The following COTL1 variants were observed in gnomAD, a reference collection of about 807,000 sequenced individuals.
COTL1 encodes coactosin-like protein.
In COTL1, 15 loss-of-function variants were observed where a neutral mutation model predicts 16.5. The observed-to-expected ratio is 0.91, with a 90% CI of 0.61 to 1.40. The LOEUF (loss-of-function observed/expected upper bound fraction) is 1.40, where lower values mean the gene tolerates loss of function less well. Among genes scored for constraint, COTL1 ranks in the 40% most tolerant of loss-of-function variants. COTL1 has a pLI of 0.00. For missense variants in COTL1, 220 were observed against 201.5 expected, an observed-to-expected ratio of 1.09 and a Z score of -0.56; for synonymous variants, 112 against 85.3, an observed-to-expected ratio of 1.31 and a Z score of -1.73.
chr16:84,608,877 A>C (rs67155672), intron 2 of COTL1, among the ~76,000 whole-genome samples: 46,718 of 152,096 alleles, frequency 0.31, 7,388 homozygotes, highest in East Asian at 0.45. Flanking sequence ...TGCACTCCAG[A>C]CTGGGTGACA....
chr16:84,567,119 T>G (rs1904302345), intron 3 of COTL1, 164 bp from the exon 4 acceptor site: 3 of 597,076 alleles, frequency 5.0e-6, no homozygotes, highest in Non-Finnish European at 9.1e-6. Context: ...AGCAGCAGAG[T>G]CAATGGAAAT....
At chr16:84,600,592 C>T (rs560191731) in intron 2 of COTL1, among the ~76,000 whole-genome samples, 53 of 152,282 alleles carry the variant, frequency 3.5e-4, no homozygotes, top group African/African-American at 1.3e-3. Context: ...GGATTACAGG[C>T]GCGAGCCACT....
rs985842861 is a variant in COTL1 at position 84,598,099 on chromosome 16, C to T, written c.161-7837G>A. Among the ~76,000 whole-genome samples, 8 of 152,154 alleles carry T rather than the reference C, an allele frequency of 5.3e-5. No individual in the cohort carries two copies. The East Asian group carries it at 5.8e-4, about 11-fold the overall frequency. ...CTGAGGACGGTGGTTTCCTTCTGGT[C>T]GGTGTCATGCACTCAGAGCCCAGGC... On this transcript the variant is annotated intron_variant, in intron 2 of 3. Transcript: ENST00000262428.
At position 84,617,951 on chromosome 16, in the gene COTL1, C is replaced by T. The variant is rs1597190631; in HGVS notation, c.-37G>A. The T allele has an allele frequency of 4.7e-6, 7 of 1,488,584 alleles. No individual in the cohort carries two copies. Among genetic ancestry groups the T allele is most frequent in the Non-Finnish European group, 6.3e-6 (7 of 1,113,998 alleles). 92.2% of individuals were successfully genotyped at this position (1,488,584 alleles called of 1,614,324 possible). A position where few individuals can be genotyped will look rare whatever the true frequency, so the allele number is the denominator to read the frequency against. On this transcript the variant is annotated 5_prime_UTR_variant, in exon 1 of 4. Transcript: ENST00000262428. ...CGCAGCGGGACACTGTCCGGGGCGG[C>T]CGAGCGCGCCCCTGGCCGGCGGCGG...
intron 2 of COTL1, among the ~76,000 whole-genome samples, chr16:84,609,297 C>T (rs1261177822): frequency 1.1e-4 from 17 of 152,180 alleles, no homozygotes; most frequent in African/African-American, 2.4e-4. Context: ...TCCAGTTTTC[C>T]GTAGGAACCA....
At position 84,597,251 on chromosome 16, in the gene COTL1, C is replaced by G. The variant is rs140744844; in HGVS notation, c.161-6989G>C. ...GAGAGGTAACTGAGCCCCAAGTCTA[C>G]TAAGCACTTATGAGGGGCCAGTCCC... On this transcript the variant is annotated intron_variant, in intron 2 of 3. Coordinates refer to ENST00000262428, the MANE Select transcript of COTL1 (RefSeq NM_021149.5). 2.8e-3 allele frequency among the ~76,000 whole-genome samples: 422 copies of G among 152,308 alleles called. 2 individuals carry two copies. Among genetic ancestry groups the G allele is most frequent in the African/African-American group, 9.9e-3 (412 of 41,574 alleles).
chr16:84,610,374 CGTCACCT>C (rs1905295785), intron 2 of COTL1, among the ~76,000 whole-genome samples: 2 of 152,308 alleles, frequency 1.3e-5, no homozygotes, highest in Non-Finnish European at 2.9e-5. Context: ...TTTTCTGGCA[CGTCACCT>C]GTCTCCACTC....
chr16:84,608,717 A>G (rs892337461), intron 2 of COTL1, among the ~76,000 whole-genome samples: 2 of 152,180 alleles, frequency 1.3e-5, no homozygotes, highest in Non-Finnish European at 2.9e-5. Context: ...ACCTGCCTGG[A>G]CAACATAGTG....
At chr16:84,617,142 T>C (rs1445832969) in intron 2 of COTL1, among the ~76,000 whole-genome samples, 1 of 150,642 alleles carries the variant, frequency 6.6e-6, no homozygotes, top group East Asian at 1.9e-4. Flanking sequence ...CTGTTCGTAT[T>C]TGGGCTCAGT....
At chr16:84,613,886 A>C (rs563684661) in intron 2 of COTL1, among the ~76,000 whole-genome samples, 3 of 150,868 alleles carry the variant, frequency 2.0e-5, no homozygotes, top group Admixed American at 1.3e-4. Flanking sequence ...CAGAGTCTCC[A>C]TGATTGGTCT....
chr16:84,592,678 G>C (rs916818950), intron 2 of COTL1, among the ~76,000 whole-genome samples: 6 of 152,024 alleles, frequency 3.9e-5, no homozygotes, highest in African/African-American at 1.5e-4. Flanking sequence ...GAAGCATGTA[G>C]GTTAGCACCA....
chr16:84,615,484 G>A (rs1254333082), intron 2 of COTL1, among the ~76,000 whole-genome samples: 1 of 152,156 alleles, frequency 6.6e-6, no homozygotes. Flanking sequence ...TTGCTGGAGA[G>A]AACAGTAGCT....
At chr16:84,606,198 G>C (rs1229212654) in intron 2 of COTL1, among the ~76,000 whole-genome samples, 1 of 152,262 alleles carries the variant, frequency 6.6e-6, no homozygotes, top group Non-Finnish European at 1.5e-5. Context: ...ACAGGCACTT[G>C]CTTAAGTGGG....
chr16:84,599,735 C>A (rs560448347), intron 2 of COTL1, among the ~76,000 whole-genome samples: 1 of 152,228 alleles, frequency 6.6e-6, no homozygotes, highest in African/African-American at 2.4e-5. Context: ...ACAGAGACTC[C>A]GGAGAGGTTA....
intron 3 of COTL1, among the ~76,000 whole-genome samples, chr16:84,571,312 T>C (rs1475437262): frequency 1.3e-5 from 2 of 152,316 alleles, no homozygotes; most frequent in East Asian, 3.9e-4. Flanking sequence ...CGGAGGACAC[T>C]GGAGGTCCGG....
chr16:84,577,563 A>C (rs1462118009), intron 3 of COTL1, among the ~76,000 whole-genome samples: 1 of 152,184 alleles, frequency 6.6e-6, no homozygotes, highest in Admixed American at 6.5e-5. Flanking sequence ...TTCTTATAAT[A>C]GGCATGAGTC....
In COTL1 at chr16:84,617,996, A is replaced by C. The variant is rs1357090977; in HGVS notation, c.-82T>G. ...CGGCGGGGATGGGAGCGCGGCGGGT[A>C]CGCGCCGAGGGCGCACGGGCTGGCG... On this transcript the variant is annotated 5_prime_UTR_variant, in exon 1 of 4. Transcript: ENST00000262428. The C allele has an allele frequency of 6.0e-6, 6 of 996,954 alleles. No individual in the cohort carries two copies. The South Asian group carries it at 1.6e-4, about 27-fold the overall frequency. The allele number at this position is 996,954 out of a possible 1,614,324, so 61.8% of individuals were successfully genotyped here.
intron 2 of COTL1, among the ~76,000 whole-genome samples, chr16:84,603,946 C>G (rs1905155214): frequency 1.3e-5 from 2 of 148,888 alleles, no homozygotes; most frequent in South Asian, 4.3e-4. Flanking sequence ...CAGCTACCCA[C>G]CTCCCCCCAC....
Position 84,617,956 on chromosome 16 carries a change from C to A in COTL1, c.-42G>T, listed in dbSNP as rs1223604530. 6.6e-5 allele frequency: 97 copies of A among 1,471,514 alleles called. No homozygotes were observed. Among genetic ancestry groups the A allele is most frequent in the Non-Finnish European group, 8.2e-5 (90 of 1,102,046 alleles). 91.2% of individuals were successfully genotyped at this position (1,471,514 alleles called of 1,614,324 possible). A position where few individuals can be genotyped will look rare whatever the true frequency, so the allele number is the denominator to read the frequency against. On this transcript the variant is annotated 5_prime_UTR_variant, in exon 1 of 4. Coordinates refer to ENST00000262428, the MANE Select transcript of COTL1 (RefSeq NM_021149.5). ...CGGGACACTGTCCGGGGCGGCCGAG[C>A]GCGCCCCTGGCCGGCGGCGGGGATG...
Sources: gnomAD v4.1 joint callset for allele counts (sites outside exome capture counted in the v4.1 genomes callset) on GRCh38, gnomAD v4.1.1 for gene constraint, MANE v1.5 for transcripts, NCBI Gene and HGNC (gene_info 2026-07-23, HGNC 2026-07-21) for gene names.